Variants in TOP3B observed in about 807,000 individuals in gnomAD.
The protein encoded by TOP3B is DNA topoisomerase 3-beta-1.
Under a neutral mutation model 93.9 loss-of-function variants are expected in TOP3B, and 45 were observed. The ratio of observed to expected loss-of-function variants is 0.48; its 90% CI spans 0.38 to 0.61. The LOEUF is 0.61. TOP3B is among the 20% of genes least tolerant of loss of function. The pLI is 0.00. For synonymous variants in TOP3B, 357 were observed against 472.6 expected (o/e 0.76, Z 3.17); for missense variants, 750 against 1,156.1 (o/e 0.65, Z 5.09).
intron 16 of TOP3B, 41 bp downstream of exon 16, chr22:21,959,091 G>C: frequency 6.2e-7 from 1 of 1,609,578 alleles, no homozygotes; most frequent in Non-Finnish European, 8.5e-7. Context: ...AGGCCTACAG[G>C]GGTGAGGCAG....
chr22:21,968,931 G>A, intron 6 of TOP3B, 156 bp from the exon 7 acceptor site: 1 of 714,234 alleles, frequency 1.4e-6, no homozygotes. Flanking sequence ...AGTGGGCATA[G>A]CCTTAGGGAG....
intron 8 of TOP3B, chr22:21,966,068 T>C (rs150370607): frequency 3.6e-4 from 55 of 152,290 alleles, no homozygotes; most frequent in African/African-American, 1.3e-3. Context: ...ATTTTTTTTT[T>C]CAATTTCTTG....
chr22:21,970,572 C>A lies in TOP3B; in HGVS notation c.385-166G>T. On this transcript the variant is annotated intron_variant, in intron 5 of 17. Transcript: ENST00000357179. The surrounding 1 kb of genome is among the most constrained non-coding windows in gnomAD (Gnocchi z 4.4). ...TCCCCTTTCCTGCACCTGCCAGACC[C>A]TCCTCTATCCCCCTGCCTTTCCAGA... The A allele has an allele frequency of 1.5e-6, 1 of 683,596 alleles. No individual in the cohort carries two copies. The allele number at this position is 683,596 out of a possible 1,614,324, so 42.3% of individuals were successfully genotyped here. A position where few individuals can be genotyped will look rare whatever the true frequency, so the allele number is the denominator to read the frequency against.
At chr22:21,962,659 A>T in intron 12 of TOP3B, 57 bp from the exon 13 acceptor site, 1 of 1,605,776 alleles carries the variant, frequency 6.2e-7, no homozygotes, top group Non-Finnish European at 8.5e-7. Flanking sequence ...GGGGCCTCAG[A>T]CCCTGGGCCT....
At chr22:21,979,941 CAAAAAAAAAAA>C (rs57880095) in intron 1 of TOP3B, among the ~76,000 whole-genome samples, 1 of 53,440 alleles carries the variant, frequency 1.9e-5, no homozygotes, top group African/African-American at 7.7e-5. Context: ...ACTCCATCTC[CAAAAAAAAAAA>C]AAAAAAAAAA....
At chr22:21,962,672 C>T in intron 12 of TOP3B, 70 bp from the exon 13 acceptor site, 3 of 1,606,466 alleles carry the variant, frequency 1.9e-6, no homozygotes, top group Non-Finnish European at 2.6e-6. Context: ...CTGGGCCTCC[C>T]ATCCCCAGAC....
Position 21,959,809 on chromosome 22 carries a change from G to C in TOP3B, c.1655-73C>G, listed in dbSNP as rs1359001033. On this transcript the variant is annotated intron_variant, in intron 14 of 17. Transcript: ENST00000357179. ...GGCCATGCCACCCCTTCCCAGGCAGGGATACTGCCCTGTTCACCCCTCCCG... is the reference window on the plus strand; with the variant it reads ...GGCCATGCCACCCCTTCCCAGGCAGCGATACTGCCCTGTTCACCCCTCCCG... 3 of 1,565,128 alleles carry C rather than the reference G, an allele frequency of 1.9e-6. No homozygotes were observed. The African/African-American group carries it at 4.0e-5, about 21-fold the overall frequency.
intron 2 of TOP3B, 178 bp from the exon 3 acceptor site, chr22:21,974,666 A>G (rs2071788264): frequency 4.8e-6 from 3 of 624,928 alleles, no homozygotes; most frequent in South Asian, 4.0e-5. Context: ...GACGGCGCTC[A>G]GGGAAAACAG....
intron 1 of TOP3B, among the ~76,000 whole-genome samples, chr22:21,980,374 CA>C (rs1052614538): frequency 1.3e-5 from 2 of 152,152 alleles, no homozygotes; most frequent in Non-Finnish European, 2.9e-5. Flanking sequence ...GGGCATTGTT[CA>C]GAAAGGATGC....
chr22:21,963,885 T>C lies in TOP3B; in HGVS notation c.1204+38A>G. ...TTCACTGTCGCAGCTCGCCCTTCCC[T>C]CCCTGGAAGCACACCGGGTATGGGA... is the stretch of plus-strand genomic sequence containing the variant. On this transcript the variant is annotated intron_variant, in intron 11 of 17. Coordinates refer to ENST00000357179, the MANE Select transcript of TOP3B (RefSeq NM_001282112.2). The surrounding 1 kb of genome is among the most constrained non-coding windows in gnomAD (Gnocchi z 4.8). The C allele has an allele frequency of 3.7e-6, 6 of 1,605,460 alleles. No individual in the cohort carries two copies. The highest frequency in any genetic ancestry group is 4.3e-6 in the Non-Finnish European group (5 of 1,173,968).
intron 1 of TOP3B, 126 bp from the exon 2 acceptor site, chr22:21,975,933 A>G (rs1013268343): frequency 3.6e-6 from 2 of 554,444 alleles, no homozygotes; most frequent in African/African-American, 2.0e-5. Context: ...AAATTAGGGA[A>G]TTAGGGAAAC....
chr22:21,978,875 C>T (rs1257281226), intron 1 of TOP3B, among the ~76,000 whole-genome samples: 2 of 152,238 alleles, frequency 1.3e-5, no homozygotes, highest in East Asian at 1.9e-4. Flanking sequence ...GCATGTTCTC[C>T]GCTGATGGGA....
intron 4 of TOP3B, chr22:21,972,253 G>T: frequency 4.4e-6 from 2 of 457,544 alleles, no homozygotes; most frequent in Non-Finnish European, 7.7e-6. Context: ...AACAGCAGTC[G>T]TCTTGGGTAA....
rs755128043 is a variant in TOP3B, at chr22:21,959,240, C to T, written c.1805-8G>A. The stretch of plus-strand genomic sequence containing the variant: ...CCATCAACTCATCCATGCCTGCGGG[C>T]AAGCAGAGTGCAGGAGTCATCTCCC... On this transcript the variant is annotated splice_region_variant and splice_polypyrimidine_tract_variant and intron_variant, in intron 15 of 17. Coordinates refer to ENST00000357179, the MANE Select transcript of TOP3B (RefSeq NM_001282112.2). The T allele has an allele frequency of 6.2e-7, 1 of 1,611,704 alleles. No homozygotes were observed. The highest frequency in any genetic ancestry group is 2.2e-5 in the East Asian group (1 of 44,872).
At chr22:21,974,210 C>A (rs1015522383) in intron 3 of TOP3B, 147 bp downstream of exon 3, 1 of 1,041,320 alleles carries the variant, frequency 9.6e-7, no homozygotes, top group Admixed American at 3.0e-5. Flanking sequence ...CAGGGACCCT[C>A]TCATTGCTAC....
intron 1 of TOP3B, 195 bp from the exon 2 acceptor site, chr22:21,976,002 G>A (rs2071854958): frequency 4.2e-6 from 1 of 235,462 alleles, no homozygotes; most frequent in South Asian, 1.2e-4. Context: ...AAGTGGCTGA[G>A]ATGATCCTGG....
rs777104383 is a variant in TOP3B at position 21,960,351 on chromosome 22, T to C, written c.1624A>G (p.Ile542Val). The C allele has an allele frequency of 3.7e-5, 60 of 1,613,512 alleles. No individual in the cohort carries two copies. Among genetic ancestry groups the C allele is most frequent in the Non-Finnish European group, 4.8e-5 (57 of 1,179,988 alleles). ...GRRLKPTNLG[I>V]VLVHGYYKID... ...TTATAGTAGCCGTGCACCAGGACGATGCCGAGGTTGGTGGGCTTGAGCCGG... is the reference window on the plus strand; with the variant it reads ...TTATAGTAGCCGTGCACCAGGACGACGCCGAGGTTGGTGGGCTTGAGCCGG... The change falls in exon 14 of 18, where the codon ATC becomes GTC. Residue 542 changes from isoleucine to valine, a missense_variant. By Grantham distance (29) the Ile-to-Val change is conservative. This residue lies in a region of TOP3B where 737 missense variants were observed against 933.7 expected (regional missense o/e 0.79). Coordinates refer to ENST00000357179, the MANE Select transcript of TOP3B (RefSeq NM_001282112.2).
chr22:21,970,028 C>T lies in TOP3B; in HGVS notation c.581+182G>A. ...CAAGCAATCCTCCTATCCTGGTCTC[C>T]CAAAGTGCAGGGATTACAGGTGTTA... On this transcript the variant is annotated intron_variant, in intron 6 of 17. Transcript: ENST00000357179. This position sits in a 1 kb window ranked among gnomAD's most constrained non-coding sequence, Gnocchi z 4.4. 1 of 633,854 alleles carries T rather than the reference C, an allele frequency of 1.6e-6. No homozygotes were observed. The highest frequency in any genetic ancestry group is 2.9e-5 in the Admixed American group (1 of 33,990). 39.3% of individuals were successfully genotyped at this position (633,854 alleles called of 1,614,324 possible).
At position 21,957,593 on chromosome 22, in the gene TOP3B, T is replaced by C. The variant is rs1347239641; in HGVS notation, c.2110A>G (p.Met704Val). ...HPPFRDMKKG[M>V]GCNECTHPSC... The stretch of plus-strand genomic sequence containing the variant: ...GGGTGCGTACACTCGTTGCAGCCCA[T>C]GCCTGGCGGGAGAAGGGAGCCCTGT... The change falls in exon 18 of 18, where the codon ATG becomes GTG. Residue 704 changes from methionine to valine, a missense_variant and splice_region_variant. By Grantham distance (21) the Met-to-Val change is conservative (BLOSUM62 1). Around this residue, in one of 4 missense-constraint regions of TOP3B, gnomAD observed 0 missense variants for 107.8 expected, o/e 0.00. Transcript: ENST00000357179. 1 of 1,156,832 alleles carries C rather than the reference T, an allele frequency of 8.6e-7. No homozygotes were observed. The highest frequency in any genetic ancestry group is 1.2e-6 in the Non-Finnish European group (1 of 833,412). The allele number at this position is 1,156,832 out of a possible 1,614,324, so 71.7% of individuals were successfully genotyped here.
Sources: allele counts gnomAD v4.1 joint callset (sites outside exome capture counted in the v4.1 genomes callset), GRCh38; gene constraint gnomAD v4.1.1; regional missense constraint gnomAD v4.1.1; non-coding constraint Gnocchi (gnomAD v3.1); transcripts MANE v1.5; gene names NCBI Gene and HGNC (gene_info 2026-07-23, HGNC 2026-07-21).